Variants in WRN observed in about 807,000 individuals in gnomAD.
The protein encoded by WRN is bifunctional 3'-5' exonuclease/ATP-dependent helicase WRN.
A neutral mutation model predicts 180.7 loss-of-function variants in WRN; 149 were observed. The ratio of observed to expected loss-of-function variants is 0.82; its 90% CI spans 0.72 to 0.94. The LOEUF (loss-of-function observed/expected upper bound fraction) is 0.94, where lower values mean the gene tolerates loss of function less well. Ranked by LOEUF, WRN falls within the 40% of genes least tolerant of loss-of-function variation. WRN has a pLI of 0.00. For missense variants in WRN, 1,661 were observed against 1,700.1 expected, an observed-to-expected ratio of 0.98 and a Z score of 0.40; for synonymous variants, 548 against 568.9, an observed-to-expected ratio of 0.96 and a Z score of 0.52.
chr8:31,073,413 T>G lies in WRN; in HGVS notation c.725-2760T>G, dbSNP rs1331396905. ...TATTTTGGTCAGATCATCTGATCAA[T>G]GGAAAGGTCAGTTATAGTGGACAGA... On this transcript the variant is annotated intron_variant, in intron 7 of 34. Coordinates refer to ENST00000298139, the MANE Select transcript of WRN (RefSeq NM_000553.6). 3.9e-5 allele frequency among the ~76,000 whole-genome samples: 6 copies of G among 152,322 alleles called. No individual in the cohort carries two copies. In the East Asian group the frequency reaches 1.2e-3, roughly 29 times the overall value.
rs772963859 is a variant in WRN, at chr8:31,059,213, A to G, written c.157A>G (p.Ile53Val). The G allele has an allele frequency of 1.9e-6, 3 of 1,613,874 alleles. No homozygotes were observed. The highest frequency in any genetic ancestry group is 1.7e-4 in the Middle Eastern group (1 of 6,058). The change falls in exon 3 of 35, where the codon ATT becomes GTT. Residue 53 changes from isoleucine (I) to valine (V), a missense_variant. Ile to Val is a conservative substitution (Grantham distance 29, BLOSUM62 3). Around this residue, in one of 3 missense-constraint regions of WRN, gnomAD observed 500 missense variants for 504.1 expected, o/e 0.99. Transcript: ENST00000298139. ...DLPFLEFTGS[I>V]VYSYDASDCS... The stretch of plus-strand genomic sequence containing the variant: ...CCCCTTCTTAGAATTCACTGGATCC[A>G]TTGTGTATAGTTACGATGCTAGTGA...
At chr8:31,104,245 T>G (rs191965510) in intron 18 of WRN, among the ~76,000 whole-genome samples, 1 of 152,340 alleles carries the variant, frequency 6.6e-6, no homozygotes, top group Admixed American at 6.5e-5. Context: ...AACTGTTTTT[T>G]ATTTTAGCCA....
In WRN at chr8:31,174,660, T is replaced by C. The variant is rs1427917266; in HGVS notation, c.*1558T>C. Reference sequence around the variant, plus strand: ...ATAAAGACTTCTCTTTCTCTTCGCTTTCACTACTACTACTACTAATTCTTC... The same window carrying C: ...ATAAAGACTTCTCTTTCTCTTCGCTCTCACTACTACTACTACTAATTCTTC... On this transcript the variant is annotated 3_prime_UTR_variant, in exon 35 of 35. Coordinates refer to ENST00000298139, the MANE Select transcript of WRN (RefSeq NM_000553.6). Among the ~76,000 whole-genome samples, 4 of 152,100 alleles carry C rather than the reference T, an allele frequency of 2.6e-5. No homozygotes were observed. Among genetic ancestry groups the C allele is most frequent in the Non-Finnish European group, 5.9e-5 (4 of 68,018 alleles).
At chr8:31,085,930 T>G (rs916301132) in intron 11 of WRN, among the ~76,000 whole-genome samples, 1 of 152,086 alleles carries the variant, frequency 6.6e-6, no homozygotes, top group Admixed American at 6.5e-5. Context: ...CATCTTTACT[T>G]TCTTTGGTAT....
At chr8:31,094,670 C>T (rs1813887119) in intron 16 of WRN, among the ~76,000 whole-genome samples, 1 of 152,124 alleles carries the variant, frequency 6.6e-6, no homozygotes, top group South Asian at 2.1e-4. Context: ...CTGCCCACTT[C>T]CAACCACTAA....
chr8:31,156,465 G>A (rs1344803833), intron 32 of WRN, among the ~76,000 whole-genome samples: 1 of 152,150 alleles, frequency 6.6e-6, no homozygotes, highest in Admixed American at 6.5e-5. Context: ...TTTGAAACCT[G>A]GTTTCAAATA....
chr8:31,153,587 C>T (rs1360217895), intron 31 of WRN, among the ~76,000 whole-genome samples: 2 of 152,168 alleles, frequency 1.3e-5, no homozygotes, highest in Non-Finnish European at 2.9e-5. Context: ...GAGTTTAGCT[C>T]TGAGATTCTT....
chr8:31,125,053 T>C (rs917516678), intron 23 of WRN, 53 bp downstream of exon 23: 4 of 1,529,164 alleles, frequency 2.6e-6, no homozygotes, highest in African/African-American at 1.4e-5. Flanking sequence ...TTTCTCTTCC[T>C]TTTCATGTTT....
chr8:31,041,889 T>A (rs990002764), intron 1 of WRN, among the ~76,000 whole-genome samples: 1 of 152,114 alleles, frequency 6.6e-6, no homozygotes, highest in Non-Finnish European at 1.5e-5. Flanking sequence ...AGGTCAAGAG[T>A]TCTTTTTTAT....
At chr8:31,153,079 A>G (rs948006225) in intron 31 of WRN, among the ~76,000 whole-genome samples, 1 of 152,094 alleles carries the variant, frequency 6.6e-6, no homozygotes, top group African/African-American at 2.4e-5. Flanking sequence ...CTCAACTTTC[A>G]GGTGAGCTGG....
At chr8:31,103,031 T>C (rs957924147) in intron 18 of WRN, among the ~76,000 whole-genome samples, 3 of 152,192 alleles carry the variant, frequency 2.0e-5, no homozygotes, top group African/African-American at 7.2e-5. Flanking sequence ...AAAACTTTTT[T>C]GTTAAAAACT....
chr8:31,110,926 G>T (rs900117010), intron 18 of WRN, among the ~76,000 whole-genome samples: 4 of 152,130 alleles, frequency 2.6e-5, no homozygotes, highest in African/African-American at 4.8e-5. Flanking sequence ...AGAATTTCTG[G>T]AAGATGACAT....
chr8:31,072,326 T>A (rs1333083295), intron 7 of WRN, among the ~76,000 whole-genome samples: 3 of 152,226 alleles, frequency 2.0e-5, no homozygotes, highest in African/African-American at 7.2e-5. Context: ...TTTTAAACAA[T>A]AGTTTTGCTG....
chr8:31,145,027 T>A (rs1338359548), intron 28 of WRN, among the ~76,000 whole-genome samples: 1 of 152,010 alleles, frequency 6.6e-6, no homozygotes, highest in Non-Finnish European at 1.5e-5. Flanking sequence ...CCAGCAGAGG[T>A]TGGTTCATGA....
At chr8:31,119,640 A>G (rs1299680017) in intron 20 of WRN, among the ~76,000 whole-genome samples, 1 of 151,876 alleles carries the variant, frequency 6.6e-6, no homozygotes, top group Non-Finnish European at 1.5e-5. Context: ...GCCATGTAGT[A>G]TATTATGGCT....
chr8:31,147,528 T>G (rs1156304999), intron 30 of WRN, 52 bp downstream of exon 30: 3 of 1,527,386 alleles, frequency 2.0e-6, no homozygotes, highest in South Asian at 1.1e-5. Flanking sequence ...CAAAATAGAT[T>G]TGGAAAATAT....
At chr8:31,142,594 A>G in intron 26 of WRN, 32 bp from the exon 27 acceptor site, 1 of 1,501,066 alleles carries the variant, frequency 6.7e-7, no homozygotes, top group East Asian at 2.3e-5. Context: ...GCATCTTAAC[A>G]TTTGAAATAA....
At chr8:31,037,306 G>A (rs1489864679) in intron 1 of WRN, among the ~76,000 whole-genome samples, 2 of 152,226 alleles carry the variant, frequency 1.3e-5, no homozygotes, top group Admixed American at 6.5e-5. Context: ...GTGTCAGGAG[G>A]TGGAGCTCAG....
chr8:31,174,856 CTTTT>C lies in WRN; in HGVS notation c.*1756_*1759del, dbSNP rs1179117447. 5.7e-5 allele frequency among the ~76,000 whole-genome samples: 7 copies of C among 123,030 alleles called. No individual in the cohort carries two copies. Among genetic ancestry groups the C allele is most frequent in the African/African-American group, 1.9e-4 (6 of 32,322 alleles). 80.7% of individuals were successfully genotyped at this position (123,030 alleles called of 152,430 possible). ...CCCTCCCTCCCTCCCTCCCTCCTTTCTTTTTCTTTCTCTTTCTTTCTTTCTTTCT... is the reference window on the plus strand; with the variant it reads ...CCCTCCCTCCCTCCCTCCCTCCTTTCTCTTTCTCTTTCTTTCTTTCTTTCT... On this transcript the variant is annotated 3_prime_UTR_variant, in exon 35 of 35. Transcript: ENST00000298139.
Sources: gnomAD v4.1 joint callset for allele counts (sites outside exome capture counted in the v4.1 genomes callset) on GRCh38, gnomAD v4.1.1 for gene constraint, gnomAD v4.1.1 regional missense constraint, MANE v1.5 for transcripts, NCBI Gene and HGNC (gene_info 2026-07-23, HGNC 2026-07-21) for gene names.